The following GIT2 variants were observed in gnomAD, a reference collection of about 807,000 sequenced individuals.
GIT2 encodes ARF GTPase-activating protein GIT2.
A neutral mutation model predicts 100.3 loss-of-function variants in GIT2; 32 were observed. That is an observed-to-expected ratio of 0.32 (90% CI 0.24 to 0.43). The LOEUF (loss-of-function observed/expected upper bound fraction) is 0.43, where lower values mean the gene tolerates loss of function less well. Ranked by LOEUF, GIT2 falls within the 20% of genes least tolerant of loss-of-function variation. The probability of loss-of-function intolerance (pLI) is 1.00; values close to 1 mark genes in which losing one functional copy is unlikely to be tolerated. For synonymous variants in GIT2, 353 were observed against 364.1 expected (o/e 0.97, Z 0.35); for missense variants, 737 against 975.1 (o/e 0.76, Z 3.25).
Position 109,933,950 on chromosome 12 carries a change from A to G in GIT2, c.2067+72T>C, listed in dbSNP as rs1409508895. ...TGTGCTACAAAAAAGCTAATGTAAT[A>G]TATAGGTCATAAAGAAATTTCTTGC... is the stretch of plus-strand genomic sequence containing the variant. On this transcript the variant is annotated intron_variant, in intron 19 of 19. Coordinates refer to ENST00000355312, the MANE Select transcript of GIT2 (RefSeq NM_057169.5). This position sits in a 1 kb window ranked among gnomAD's most constrained non-coding sequence, Gnocchi z 4.5. The G allele has an allele frequency of 1.9e-5, 16 of 851,708 alleles. No homozygotes were observed. Among genetic ancestry groups the G allele is most frequent in the Non-Finnish European group, 2.9e-5 (14 of 484,280 alleles). 52.8% of individuals were successfully genotyped at this position (851,708 alleles called of 1,614,324 possible). A position where few individuals can be genotyped will look rare whatever the true frequency, so the allele number is the denominator to read the frequency against.
intron 12 of GIT2, among the ~76,000 whole-genome samples, chr12:109,959,462 C>T (rs1880475973): frequency 6.6e-6 from 1 of 151,832 alleles, no homozygotes; most frequent in South Asian, 2.1e-4. Flanking sequence ...GTTAAGTGTC[C>T]CAAAACAAAA....
At chr12:109,976,914 T>C (rs1173486882) in intron 7 of GIT2, among the ~76,000 whole-genome samples, 1 of 152,188 alleles carries the variant, frequency 6.6e-6, no homozygotes, top group African/African-American at 2.4e-5. Context: ...TTAAGATATG[T>C]ATGACAATTT....
upstream of GIT2, among the ~76,000 whole-genome samples, chr12:109,997,204 CAAAAAAAAA>C (rs35732772): frequency 1.2e-4 from 5 of 43,330 alleles, no homozygotes; most frequent in Admixed American, 5.1e-4. Flanking sequence ...GACTCCGTCT[CAAAAAAAAA>C]AAAAAAAAAA....
At chr12:109,975,902 G>C (rs1884920993) in intron 7 of GIT2, among the ~76,000 whole-genome samples, 1 of 151,058 alleles carries the variant, frequency 6.6e-6, no homozygotes, top group Non-Finnish European at 1.5e-5. Flanking sequence ...CTCCCAAGTA[G>C]CTAGGACTAC....
Position 109,948,366 on chromosome 12 carries a change from G to C in GIT2, c.1393-862C>G, listed in dbSNP as rs1488926764. 1 of 991,446 alleles carries C rather than the reference G, an allele frequency of 1.0e-6. No individual in the cohort carries two copies. Among genetic ancestry groups the C allele is most frequent in the African/African-American group, 1.7e-5 (1 of 57,380 alleles). The allele number at this position is 991,446 out of a possible 1,614,324, so 61.4% of individuals were successfully genotyped here. ...CCTCAGTGGTGTCAGCTTTGAACAT[G>C]CTAATCTGCCTGGCACCACCCCATT... On this transcript the variant is annotated intron_variant, in intron 14 of 19. Transcript: ENST00000355312. This position sits in a 1 kb window ranked among gnomAD's most constrained non-coding sequence, Gnocchi z 4.3.
rs1882784646 is a variant in GIT2 at position 109,967,450 on chromosome 12, G to A, written c.764+8C>T. The stretch of plus-strand genomic sequence containing the variant: ...AGACAAAACTAACTGGTATTTCAAT[G>A]AGCTTACCTGTCTGCCATTTGAGGT... On this transcript the variant is annotated splice_region_variant and intron_variant, in intron 8 of 19. Coordinates refer to ENST00000355312, the MANE Select transcript of GIT2 (RefSeq NM_057169.5). 6.3e-7 allele frequency: 1 copy of A among 1,580,438 alleles called. No individual in the cohort carries two copies. The highest frequency in any genetic ancestry group is 8.7e-7 in the Non-Finnish European group (1 of 1,149,628).
In GIT2 at chr12:109,962,317, C is replaced by A. The variant is rs1421269736; in HGVS notation, c.817-632G>T. ...GCAGTGAGCCAAGATCACACCACTG[C>A]ACTCCAGGCTGGGTGACAGAGTGAG... On this transcript the variant is annotated intron_variant, in intron 9 of 19. Transcript: ENST00000355312. This position sits in a 1 kb window ranked among gnomAD's most constrained non-coding sequence, Gnocchi z 4.3. Among the ~76,000 whole-genome samples the A allele has an allele frequency of 6.6e-6, 1 of 151,690 alleles. No homozygotes were observed. The highest frequency in any genetic ancestry group is 2.4e-5 in the African/African-American group (1 of 41,392).
In GIT2 at chr12:109,996,322, G is replaced by A. The variant is rs1889421260; in HGVS notation, c.-98C>T. ...GCTCTAACGGGTCCCAGCTGCGGCGGCGCTGACGGCGGCGCCTCTCCCCTC... is the reference window on the plus strand; with the variant it reads ...GCTCTAACGGGTCCCAGCTGCGGCGACGCTGACGGCGGCGCCTCTCCCCTC... On this transcript the variant is annotated 5_prime_UTR_variant, in exon 1 of 20. Transcript: ENST00000355312. The A allele has an allele frequency of 2.5e-6, 2 of 807,288 alleles. No homozygotes were observed. The highest frequency in any genetic ancestry group is 1.9e-6 in the Non-Finnish European group (1 of 523,750). 50.0% of individuals were successfully genotyped at this position (807,288 alleles called of 1,614,324 possible). A position where few individuals can be genotyped will look rare whatever the true frequency, so the allele number is the denominator to read the frequency against.
intron 16 of GIT2, among the ~76,000 whole-genome samples, chr12:109,943,895 G>T (rs2136210207): frequency 6.6e-6 from 1 of 152,196 alleles, no homozygotes; most frequent in South Asian, 2.1e-4. Context: ...ATTTCGCCAT[G>T]TTGCTGAGGC....
At position 109,931,158 on chromosome 12, in the gene GIT2, G is replaced by A. The variant is rs1025783113; in HGVS notation, c.*1820C>T. On this transcript the variant is annotated 3_prime_UTR_variant, in exon 20 of 20. Transcript: ENST00000355312. The stretch of plus-strand genomic sequence containing the variant: ...AAAGGTGTGCATCGATCAGTCCTGT[G>A]AAAATAGAAGCTTAGTTATTAGCAT... The A allele has an allele frequency of 2.6e-5, 4 of 152,256 alleles. No individual in the cohort carries two copies. The highest frequency in any genetic ancestry group is 9.7e-5 in the African/African-American group (4 of 41,446). 9.4% of individuals were successfully genotyped at this position (152,256 alleles called of 1,614,324 possible).
At chr12:109,992,616 G>C (rs1888632862) in intron 1 of GIT2, among the ~76,000 whole-genome samples, 1 of 152,166 alleles carries the variant, frequency 6.6e-6, no homozygotes, top group Admixed American at 6.5e-5. Flanking sequence ...TGAGGACAGG[G>C]AAACCTGGCC....
Position 109,983,491 on chromosome 12 carries a change from T to C in GIT2, c.505A>G (p.Thr169Ala). 6.2e-7 allele frequency: 1 copy of C among 1,613,754 alleles called. No homozygotes were observed. The highest frequency in any genetic ancestry group is 8.5e-7 in the Non-Finnish European group (1 of 1,179,768). ...ANFFHPEKGNTPLHVASKAGQ... is the reference protein window; with the variant it reads ...ANFFHPEKGNAPLHVASKAGQ... Reference sequence around the variant, plus strand: ...GCTTTGGAGGCAACATGGAGTGGGGTGTTTCCTTTTTCCTAAGAATCATTA... The same window carrying C: ...GCTTTGGAGGCAACATGGAGTGGGGCGTTTCCTTTTTCCTAAGAATCATTA... The change falls in exon 6 of 20, where the codon ACC (threonine) becomes GCC (alanine). Residue 169 changes from threonine to alanine, a missense_variant. Physicochemically the swap from Thr to Ala is moderately conservative, Grantham distance 58 (BLOSUM62 0). Coordinates refer to ENST00000355312, the MANE Select transcript of GIT2 (RefSeq NM_057169.5).
chr12:109,972,928 T>C (rs1280718750), intron 7 of GIT2, among the ~76,000 whole-genome samples: 5 of 152,008 alleles, frequency 3.3e-5, no homozygotes, highest in Non-Finnish European at 7.4e-5. Context: ...GCTCAAGCAA[T>C]CCTCTCACCT....
intron 1 of GIT2, 140 bp downstream of exon 1, chr12:109,996,033 G>A (rs1889347750): frequency 1.9e-6 from 1 of 535,216 alleles, no homozygotes; most frequent in Admixed American, 4.2e-5. Context: ...GGCCCGGGAC[G>A]GTTCCCACCC....
At chr12:109,965,993 T>TG (rs1186951527) in intron 8 of GIT2, among the ~76,000 whole-genome samples, 2 of 147,994 alleles carry the variant, frequency 1.4e-5, no homozygotes, top group African/African-American at 5.0e-5. Flanking sequence ...AGGTCAGGGT[T>TG]GTTTTTTTTT....
rs191568710 is a variant in GIT2, at chr12:109,947,699, C to T, written c.1393-195G>A. ...GAAACACAATCAACTCCCTTCATCACGTAAGCAAATTAAATAGCTTCATTT... is the reference window on the plus strand; with the variant it reads ...GAAACACAATCAACTCCCTTCATCATGTAAGCAAATTAAATAGCTTCATTT... On this transcript the variant is annotated intron_variant, in intron 14 of 19. Coordinates refer to ENST00000355312, the MANE Select transcript of GIT2 (RefSeq NM_057169.5). The surrounding 1 kb of genome is among the most constrained non-coding windows in gnomAD (Gnocchi z 4.3). 124 of 559,432 alleles carry T rather than the reference C, an allele frequency of 2.2e-4. 1 individual carries two copies. Among genetic ancestry groups the T allele is most frequent in the African/African-American group, 2.0e-3 (106 of 52,750 alleles). 34.7% of individuals were successfully genotyped at this position (559,432 alleles called of 1,614,324 possible).
At chr12:109,942,268 T>G (rs897686651) in intron 16 of GIT2, among the ~76,000 whole-genome samples, 1 of 152,198 alleles carries the variant, frequency 6.6e-6, no homozygotes, top group Non-Finnish European at 1.5e-5. Flanking sequence ...GCTGCTCCAG[T>G]GGAAAACAAA....
rs766304453 is a variant in GIT2 at position 109,947,534 on chromosome 12, GT to G, written c.1393-31del. 10 of 1,597,126 alleles carry G rather than the reference GT, an allele frequency of 6.3e-6. No homozygotes were observed. The highest frequency in any genetic ancestry group is 3.5e-5 in the Admixed American group (2 of 57,536). On this transcript the variant is annotated intron_variant, in intron 14 of 19. Transcript: ENST00000355312. This position sits in a 1 kb window ranked among gnomAD's most constrained non-coding sequence, Gnocchi z 4.3. ...AAGAAATGTTTGGCAGTGGGACTGT[GT>G]TTTTTTACAGCAAGCAGAAAAAGCA...
intron 7 of GIT2, among the ~76,000 whole-genome samples, chr12:109,976,659 G>A (rs1885158927): frequency 1.3e-5 from 2 of 150,932 alleles, no homozygotes; most frequent in African/African-American, 4.9e-5. Context: ...CACGATCTCG[G>A]CTCACTGTAA....
Sources: allele counts gnomAD v4.1 joint callset (sites outside exome capture counted in the v4.1 genomes callset), GRCh38; gene constraint gnomAD v4.1.1; non-coding constraint Gnocchi (gnomAD v3.1); transcripts MANE v1.5; gene names NCBI Gene and HGNC (gene_info 2026-07-23, HGNC 2026-07-21).